Variants in NTSR1 observed in about 807,000 individuals in gnomAD.
The protein encoded by NTSR1 is neurotensin receptor 1.
NTSR1 carries 29 observed loss-of-function variants against 31.2 expected under a neutral mutation model. The ratio of observed to expected loss-of-function variants is 0.93; its 90% CI spans 0.69 to 1.27. The LOEUF (loss-of-function observed/expected upper bound fraction) is 1.27. Among genes scored for constraint, NTSR1 ranks in the 50% most tolerant of loss-of-function variants. The pLI, the probability that NTSR1 is intolerant of heterozygous loss-of-function variation, is 0.00. For missense variants in NTSR1, 697 were observed against 595.4 expected (o/e 1.17, Z -1.78); for synonymous variants, 282 against 269.9 (o/e 1.04, Z -0.44).
rs1407144222 is a variant in NTSR1 at position 62,708,858 on chromosome 20, G to A, written c.-350G>A. The stretch of plus-strand genomic sequence containing the variant: ...GCCACAAGCTCGCCCCGCGCAGCCC[G>A]AGCCGGGCTGGGCGCTGTCCTCGGG... On this transcript the variant is annotated 5_prime_UTR_variant, in exon 1 of 4. Coordinates refer to ENST00000370501, the MANE Select transcript of NTSR1 (RefSeq NM_002531.3). The surrounding 1 kb of genome is among the most constrained non-coding windows in gnomAD (Gnocchi z 5.9). The A allele has an allele frequency of 4.0e-6, 1 of 250,008 alleles. No homozygotes were observed. Among genetic ancestry groups the A allele is most frequent in the South Asian group, 1.4e-4 (1 of 7,136 alleles). The allele number at this position is 250,008 out of a possible 1,614,324, so 15.5% of individuals were successfully genotyped here.
At chr20:62,719,878 T>C (rs1988803496) in intron 1 of NTSR1, among the ~76,000 whole-genome samples, 1 of 152,254 alleles carries the variant, frequency 6.6e-6, no homozygotes, top group African/African-American at 2.4e-5. Flanking sequence ...GGGAGGTTCT[T>C]GTTCCTTTTG....
chr20:62,738,381 C>T (rs1393859760), intron 1 of NTSR1, among the ~76,000 whole-genome samples: 1 of 152,268 alleles, frequency 6.6e-6, no homozygotes, highest in Non-Finnish European at 1.5e-5. Flanking sequence ...AAGCCTGCAG[C>T]TGTGGGGTCA....
Position 62,716,495 on chromosome 20 carries a change from G to A in NTSR1, c.714+6574G>A, listed in dbSNP as rs997081974. On this transcript the variant is annotated intron_variant, in intron 1 of 3. Transcript: ENST00000370501. ...GTATCTTCGTTGTGGATCATAGCTC[G>A]TGGTTTCAGCGCGTTAGTCCCGCCT... Among the ~76,000 whole-genome samples, 6 of 71,054 alleles carry A rather than the reference G, an allele frequency of 8.4e-5. No homozygotes were observed. The South Asian group carries it at 2.1e-3, about 25-fold the overall frequency. 46.6% of individuals were successfully genotyped at this position (71,054 alleles called of 152,430 possible).
chr20:62,731,002 A>G lies in NTSR1; in HGVS notation c.714+21081A>G, dbSNP rs144815584. On this transcript the variant is annotated intron_variant, in intron 1 of 3. Coordinates refer to ENST00000370501, the MANE Select transcript of NTSR1 (RefSeq NM_002531.3). ...CTCCTTTATCAAGTATTTTGCAAATATTTTTTCCTAGGCTGTATCTTGTCT... is the reference window on the plus strand; with the variant it reads ...CTCCTTTATCAAGTATTTTGCAAATGTTTTTTCCTAGGCTGTATCTTGTCT... 1.4e-3 allele frequency among the ~76,000 whole-genome samples: 210 copies of G among 151,986 alleles called. 1 individual carries two copies. Among genetic ancestry groups the G allele is most frequent in the Non-Finnish European group, 2.3e-3 (154 of 67,962 alleles).
chr20:62,746,681 T>A lies in NTSR1; in HGVS notation c.715-8004T>A, dbSNP rs915536949. Reference sequence around the variant, plus strand: ...GGACAGCCTGGAAAAAATGGATACATTCCTAGAAACTCACAAGCTTCCTAG... The same window carrying A: ...GGACAGCCTGGAAAAAATGGATACAATCCTAGAAACTCACAAGCTTCCTAG... On this transcript the variant is annotated intron_variant, in intron 1 of 3. Coordinates refer to ENST00000370501, the MANE Select transcript of NTSR1 (RefSeq NM_002531.3). Among the ~76,000 whole-genome samples, 3 of 152,182 alleles carry A rather than the reference T, an allele frequency of 2.0e-5. No individual in the cohort carries two copies. The East Asian group carries it at 5.8e-4, about 29-fold the overall frequency.
intron 3 of NTSR1, among the ~76,000 whole-genome samples, chr20:62,759,668 G>A (rs945540063): frequency 1.6e-4 from 24 of 152,176 alleles, no homozygotes; most frequent in Admixed American, 4.6e-4. Context: ...CCAGCTACTC[G>A]GGAGGCTGAG....
chr20:62,722,483 G>C (rs980303285), intron 1 of NTSR1, among the ~76,000 whole-genome samples: 1 of 152,188 alleles, frequency 6.6e-6, no homozygotes, highest in Non-Finnish European at 1.5e-5. Context: ...TACACGCTGG[G>C]CCAGCACAGA....
In NTSR1 at chr20:62,709,013, C is replaced by A. The variant is rs1988530592; in HGVS notation, c.-195C>A. On this transcript the variant is annotated 5_prime_UTR_variant, in exon 1 of 4. Transcript: ENST00000370501. The stretch of plus-strand genomic sequence containing the variant: ...CGGAAGCTGGGAGTCCGGAGGAGAG[C>A]GGAGCCCGGAGCCCGGAGCCCGGGG... 6.5e-6 allele frequency: 3 copies of A among 459,034 alleles called. No homozygotes were observed. The South Asian group carries it at 1.4e-4, about 22-fold the overall frequency. 28.4% of individuals were successfully genotyped at this position (459,034 alleles called of 1,614,324 possible).
chr20:62,720,497 A>G (rs554860751), intron 1 of NTSR1, among the ~76,000 whole-genome samples: 3 of 152,168 alleles, frequency 2.0e-5, no homozygotes, highest in Admixed American at 6.5e-5. Context: ...CTCCTTGTTC[A>G]TTTCTAATAT....
intron 1 of NTSR1, chr20:62,735,148 CT>C: frequency 6.5e-6 from 1 of 152,924 alleles, no homozygotes; most frequent in East Asian, 1.9e-4. Context: ...GCTCCCTCCT[CT>C]GCCCCGCCTG....
At position 62,745,895 on chromosome 20, in the gene NTSR1, C is replaced by T. The variant is rs1416183732; in HGVS notation, c.715-8790C>T. Among the ~76,000 whole-genome samples, 1 of 152,238 alleles carries T rather than the reference C, an allele frequency of 6.6e-6. No individual in the cohort carries two copies. The highest frequency in any genetic ancestry group is 1.5e-5 in the Non-Finnish European group (1 of 68,034). The stretch of plus-strand genomic sequence containing the variant: ...TGGGGCTGGGCCAGGTGACTCCCTG[C>T]TCTCTTTAGAGACAAATCGAAAGGC... On this transcript the variant is annotated intron_variant, in intron 1 of 3. Coordinates refer to ENST00000370501, the MANE Select transcript of NTSR1 (RefSeq NM_002531.3). The surrounding 1 kb of genome is among the most constrained non-coding windows in gnomAD (Gnocchi z 4.1).
chr20:62,759,925 C>A, intron 3 of NTSR1, 93 bp from the exon 4 acceptor site: 1 of 1,265,666 alleles, frequency 7.9e-7, no homozygotes, highest in Non-Finnish European at 1.1e-6. Context: ...TCTGAGCCAC[C>A]ACGTCCCTCA....
At chr20:62,723,919 G>T (rs1988863583) in intron 1 of NTSR1, among the ~76,000 whole-genome samples, 1 of 152,186 alleles carries the variant, frequency 6.6e-6, no homozygotes, top group Non-Finnish European at 1.5e-5. Context: ...GTCTTCCTGT[G>T]GCAGCAGGTC....
intron 1 of NTSR1, among the ~76,000 whole-genome samples, chr20:62,712,421 G>A (rs928228957): frequency 6.6e-6 from 1 of 152,206 alleles, no homozygotes; most frequent in South Asian, 2.1e-4. Flanking sequence ...CGTCTCCTAC[G>A]AAATTTTGGC....
intron 1 of NTSR1, among the ~76,000 whole-genome samples, chr20:62,729,137 C>T (rs1421959030): frequency 6.6e-6 from 1 of 152,214 alleles, no homozygotes; most frequent in Non-Finnish European, 1.5e-5. Flanking sequence ...GTCCCAAATG[C>T]CTGACACCCA....
At chr20:62,759,700 G>A (rs564065653) in intron 3 of NTSR1, among the ~76,000 whole-genome samples, 23 of 151,982 alleles carry the variant, frequency 1.5e-4, no homozygotes, top group East Asian at 3.9e-4. Context: ...GTGTGAACCC[G>A]GGAGGTGGAG....
chr20:62,746,996 A>C (rs1305349772), intron 1 of NTSR1, among the ~76,000 whole-genome samples: 1 of 152,224 alleles, frequency 6.6e-6, no homozygotes, highest in Non-Finnish European at 1.5e-5. Flanking sequence ...TCTTCAACAA[A>C]ATACTGGCAA....
Position 62,709,686 on chromosome 20 carries a change from C to A in NTSR1, c.479C>A (p.Ala160Asp). 6.2e-7 allele frequency: 1 copy of A among 1,612,814 alleles called. No individual in the cohort carries two copies. The highest frequency in any genetic ancestry group is 8.5e-7 in the Non-Finnish European group (1 of 1,179,900). The change falls in exon 1 of 4, where the codon GCC (alanine) becomes GAC (aspartate). Residue 160 changes from alanine to aspartate, a missense_variant. Transcript: ENST00000370501. ...ACTYATALNV[A>D]SLSVERYLAI... ...ACCTACGCCACGGCCCTCAACGTGG[C>A]CAGCCTGAGTGTGGAGCGCTACCTG...
At chr20:62,718,702 T>A (rs1988779472) in intron 1 of NTSR1, among the ~76,000 whole-genome samples, 1 of 152,208 alleles carries the variant, frequency 6.6e-6, no homozygotes. Context: ...TGACCAGGCG[T>A]TCCTTTTTAT....
Sources: allele counts gnomAD v4.1 joint callset (sites outside exome capture counted in the v4.1 genomes callset), GRCh38; gene constraint gnomAD v4.1.1; non-coding constraint Gnocchi (gnomAD v3.1); transcripts MANE v1.5; gene names NCBI Gene and HGNC (gene_info 2026-07-23, HGNC 2026-07-21).